Variants in SP1 observed in about 807,000 individuals in gnomAD.
The protein encoded by SP1 is transcription factor Sp1.
A neutral mutation model predicts 66.3 loss-of-function variants in SP1; 6 were observed. The observed-to-expected ratio is 0.09, with a 90% CI of 0.05 to 0.18. The LOEUF (loss-of-function observed/expected upper bound fraction) is 0.18. SP1 is among the 10% of genes least tolerant of loss of function. The pLI is 1.00. For missense variants in SP1, 848 were observed against 964.5 expected, an observed-to-expected ratio of 0.88 and a Z score of 1.60; for synonymous variants, 417 against 360.8, an observed-to-expected ratio of 1.16 and a Z score of -1.77.
At position 53,401,838 on chromosome 12, in the gene SP1, T is replaced by C. The variant is rs532433897; in HGVS notation, c.1676-4747T>C. ...CGCCCACCACCACACCCAGCTAATATTTGTATTTTTAGTAAAGAAGGAGTT... is the reference window on the plus strand; with the variant it reads ...CGCCCACCACCACACCCAGCTAATACTTGTATTTTTAGTAAAGAAGGAGTT... On this transcript the variant is annotated intron_variant, in intron 3 of 5. Coordinates refer to ENST00000327443, the MANE Select transcript of SP1 (RefSeq NM_138473.3). Among the ~76,000 whole-genome samples the C allele has an allele frequency of 4.6e-5, 7 of 152,198 alleles. No individual in the cohort carries two copies. In the East Asian group the frequency reaches 1.4e-3, roughly 29 times the overall value.
At chr12:53,380,876 TG>T (rs1938077536) in intron 1 of SP1, among the ~76,000 whole-genome samples, 1 of 151,566 alleles carries the variant, frequency 6.6e-6, no homozygotes, top group Non-Finnish European at 1.5e-5. Context: ...TATTCACAAA[TG>T]TTTTTCTACT....
At position 53,406,754 on chromosome 12, in the gene SP1, G is replaced by GT; in HGVS notation, c.1844+2dup. On this transcript the variant is annotated splice_donor_variant, in intron 4 of 5. Coordinates refer to ENST00000327443, the MANE Select transcript of SP1 (RefSeq NM_138473.3). LOFTEE classifies it high-confidence loss of function. ...CCTACTGTAAAGACAGTGAAGGAAG[G>GT]TGAGTTGACCCAGCCAGTTTCTTAC... 6.2e-7 allele frequency: 1 copy of GT among 1,612,114 alleles called. No homozygotes were observed. Among genetic ancestry groups the GT allele is most frequent in the Non-Finnish European group, 8.5e-7 (1 of 1,178,988 alleles).
At position 53,416,148 on chromosome 12, in the gene SP1, T is replaced by C. The variant is rs372190521; in HGVS notation, c.*4908T>C. The C allele has an allele frequency of 3.9e-5, 6 of 152,722 alleles. No individual in the cohort carries two copies. The highest frequency in any genetic ancestry group is 2.1e-4 in the South Asian group (1 of 4,836). The allele number at this position is 152,722 out of a possible 1,614,324, so 9.5% of individuals were successfully genotyped here. ...ACCTCTTAATAATCTCATGCTGTGT[T>C]TGTTTTGATTCCAATCCAATTATCA... is the stretch of plus-strand genomic sequence containing the variant. On this transcript the variant is annotated 3_prime_UTR_variant, in exon 6 of 6. Transcript: ENST00000327443.
chr12:53,391,514 G>C (rs949308431), intron 3 of SP1, among the ~76,000 whole-genome samples: 1 of 151,822 alleles, frequency 6.6e-6, no homozygotes, highest in African/African-American at 2.4e-5. Context: ...TAGTAGAGAC[G>C]GGGTTTCCCC....
rs867617523 is a variant in SP1, at chr12:53,380,716, C to T, written c.7+418C>T. On this transcript the variant is annotated intron_variant, in intron 1 of 5. Transcript: ENST00000327443. ...GCCTGCTCCAAGGCCCTCCTCCCCC[C>T]ACTTTCCGTAGATTTCCCTTCCCCC... 8.1e-5 allele frequency: 78 copies of T among 963,320 alleles called. No individual in the cohort carries two copies. In the African/African-American group the frequency reaches 9.0e-4, roughly 11 times the overall value. 59.7% of individuals were successfully genotyped at this position (963,320 alleles called of 1,614,324 possible). A position where few individuals can be genotyped will look rare whatever the true frequency, so the allele number is the denominator to read the frequency against.
intron 3 of SP1, among the ~76,000 whole-genome samples, chr12:53,384,191 G>A (rs1356522042): frequency 3.3e-5 from 5 of 151,922 alleles, no homozygotes; most frequent in African/African-American, 7.3e-5. Flanking sequence ...GGATGGTCTC[G>A]ATCTCCTGAC....
chr12:53,383,988 G>C (rs75968552), intron 3 of SP1, among the ~76,000 whole-genome samples: 1 of 97,178 alleles, frequency 1.0e-5, no homozygotes, highest in African/African-American at 3.8e-5. Context: ...TTTTTTTTTT[G>C]AGACAGAGTC....
chr12:53,380,386 C>T (rs1938054870), intron 1 of SP1, 88 bp downstream of exon 1: 1 of 1,122,106 alleles, frequency 8.9e-7, no homozygotes, highest in Non-Finnish European at 1.2e-6. Flanking sequence ...CGCCGTGAAG[C>T]GGGGGCGGGC....
chr12:53,382,075 C>T (rs1307685675), intron 2 of SP1, 35 bp from the exon 3 acceptor site: 2 of 1,599,712 alleles, frequency 1.3e-6, no homozygotes, highest in East Asian at 4.5e-5. Context: ...AGCTGGGTGT[C>T]ACTAACTCCT....
At chr12:53,400,325 T>C (rs1938583331) in intron 3 of SP1, among the ~76,000 whole-genome samples, 1 of 152,210 alleles carries the variant, frequency 6.6e-6, no homozygotes. Context: ...GGTTCATCCA[T>C]GTTGTAGCAT....
chr12:53,389,228 T>C (rs1184398735), intron 3 of SP1, among the ~76,000 whole-genome samples: 1 of 150,114 alleles, frequency 6.7e-6, no homozygotes, highest in Admixed American at 6.7e-5. Flanking sequence ...TTTTTTTTTT[T>C]TTTTTTTTGG....
Position 53,409,359 on chromosome 12 carries a change from C to G in SP1, c.1845-3C>G, listed in dbSNP as rs780026600. Reference sequence around the variant, plus strand: ...TGATTAACAGTTGTGTCCTCACTTTCAGGGGCTCGGGGGATCCTGGCAAAA... The same window carrying G: ...TGATTAACAGTTGTGTCCTCACTTTGAGGGGCTCGGGGGATCCTGGCAAAA... On this transcript the variant is annotated splice_polypyrimidine_tract_variant and splice_region_variant and intron_variant, in intron 4 of 5. Transcript: ENST00000327443. The G allele has an allele frequency of 3.1e-6, 5 of 1,612,556 alleles. No individual in the cohort carries two copies. Among genetic ancestry groups the G allele is most frequent in the Non-Finnish European group, 3.4e-6 (4 of 1,179,342 alleles).
At position 53,386,479 on chromosome 12, in the gene SP1, C is replaced by CTTT. The variant is rs372557385; in HGVS notation, c.1675+2874_1675+2876dup. On this transcript the variant is annotated intron_variant, in intron 3 of 5. Transcript: ENST00000327443. ...AGATGTAAGTCTATGTAGACTGTAT[C>CTTT]TTTTTTTTTTTTTTTTTTTCATTTT... is the stretch of plus-strand genomic sequence containing the variant. Among the ~76,000 whole-genome samples, 267 of 121,212 alleles carry CTTT rather than the reference C, an allele frequency of 2.2e-3. 6 individuals carry two copies. Among genetic ancestry groups the CTTT allele is most frequent in the African/African-American group, 6.2e-3 (198 of 31,712 alleles). 79.5% of individuals were successfully genotyped at this position (121,212 alleles called of 152,430 possible). A position where few individuals can be genotyped will look rare whatever the true frequency, so the allele number is the denominator to read the frequency against.
chr12:53,399,009 A>C (rs1163654829), intron 3 of SP1, among the ~76,000 whole-genome samples: 1 of 152,226 alleles, frequency 6.6e-6, no homozygotes, highest in Non-Finnish European at 1.5e-5. Context: ...TGATCATACT[A>C]TCCACAGTGC....
intron 3 of SP1, among the ~76,000 whole-genome samples, chr12:53,390,791 T>TA (rs1565810791): frequency 6.6e-6 from 1 of 152,232 alleles, no homozygotes; most frequent in Non-Finnish European, 1.5e-5. Flanking sequence ...GCTTTCTCTT[T>TA]ATAAATGACG....
chr12:53,410,146 A>T (rs1224261860), intron 5 of SP1, among the ~76,000 whole-genome samples: 1 of 151,678 alleles, frequency 6.6e-6, no homozygotes, highest in African/African-American at 2.4e-5. Flanking sequence ...GTCTCTACTA[A>T]AATTACAAAA....
rs200943796 is a variant in SP1 at position 53,383,405 on chromosome 12, A to C, written c.1458A>C (p.Pro486=). ...NPQAQTITLA[P]MQGVSLGQTS... is the part of the protein sequence containing the mutation. Reference sequence around the variant, plus strand: ...AAGCCCAAACAATCACCTTAGCCCCAATGCAGGGTGTTTCCTTGGGGCAGA... The same window carrying C: ...AAGCCCAAACAATCACCTTAGCCCCCATGCAGGGTGTTTCCTTGGGGCAGA... Residue 486 remains proline, a synonymous_variant, in exon 3 of 6, where the codon CCA becomes CCC. Coordinates refer to ENST00000327443, the MANE Select transcript of SP1 (RefSeq NM_138473.3). 8 of 1,614,188 alleles carry C rather than the reference A, an allele frequency of 5.0e-6. No individual in the cohort carries two copies. The highest frequency in any genetic ancestry group is 6.8e-6 in the Non-Finnish European group (8 of 1,180,014).
At position 53,411,212 on chromosome 12, in the gene SP1, C is replaced by G. The variant is rs368845513; in HGVS notation, c.2330C>G (p.Ser777Cys). The change falls in exon 6 of 6, where the codon TCC becomes TGC. Residue 777 changes from serine to cysteine, a missense_variant. Physicochemically the swap from Ser to Cys is moderately radical, Grantham distance 112. Coordinates refer to ENST00000327443, the MANE Select transcript of SP1 (RefSeq NM_138473.3). ...GTCATGCAGGTGGCAGATCTGCAGT[C>G]CATTAATATCAGTGGCAATGGCTTC... ...INVMQVADLQ[S>C]INISGNGF 1 of 1,612,308 alleles carries G rather than the reference C, an allele frequency of 6.2e-7. No individual in the cohort carries two copies. The highest frequency in any genetic ancestry group is 1.3e-5 in the African/African-American group (1 of 74,994).
intron 3 of SP1, among the ~76,000 whole-genome samples, chr12:53,383,969 TTTTC>T (rs368334862): frequency 7.8e-5 from 10 of 127,980 alleles, no homozygotes; most frequent in African/African-American, 4.4e-4. Context: ...TCACATTTTC[TTTTC>T]TTTTTTTTTT....
Sources: gnomAD v4.1 joint callset for allele counts (sites outside exome capture counted in the v4.1 genomes callset) on GRCh38, gnomAD v4.1.1 for gene constraint, MANE v1.5 for transcripts, NCBI Gene and HGNC (gene_info 2026-07-23, HGNC 2026-07-21) for gene names.